The following ANO3 variants were observed in gnomAD, a reference collection of about 807,000 sequenced individuals.
The protein encoded by ANO3 is anoctamin 3.
In ANO3, 99 loss-of-function variants were observed where a neutral mutation model predicts 144.8. The ratio of observed to expected loss-of-function variants is 0.68; its 90% CI spans 0.58 to 0.81. ANO3 has a LOEUF of 0.81. Ranked by LOEUF, ANO3 falls within the 30% of genes least tolerant of loss-of-function variation. The pLI, the probability that ANO3 is intolerant of heterozygous loss-of-function variation, is 0.00. For synonymous variants in ANO3, 414 were observed against 392.6 expected, an observed-to-expected ratio of 1.05 and a Z score of -0.64; for missense variants, 905 against 1,202.2, an observed-to-expected ratio of 0.75 and a Z score of 3.66.
intron 1 of ANO3, among the ~76,000 whole-genome samples, chr11:26,334,124 G>C (rs1175724186): frequency 6.6e-6 from 1 of 152,176 alleles, no homozygotes. Context: ...TTGTGCAATT[G>C]CTGGCATTTC....
chr11:26,412,148 T>C (rs1463260230), intron 1 of ANO3, among the ~76,000 whole-genome samples: 1 of 152,080 alleles, frequency 6.6e-6, no homozygotes, highest in Non-Finnish European at 1.5e-5. Context: ...CCATAGGATT[T>C]GGAGAAATAC....
At chr11:26,267,483 T>A (rs919856616) in intron 1 of ANO3, among the ~76,000 whole-genome samples, 2 of 152,232 alleles carry the variant, frequency 1.3e-5, no homozygotes, top group East Asian at 3.8e-4. Flanking sequence ...TAAAATATTA[T>A]CTGCTGCATC....
intron 18 of ANO3, among the ~76,000 whole-genome samples, chr11:26,624,869 C>A (rs1362377783): frequency 6.6e-6 from 1 of 151,878 alleles, no homozygotes; most frequent in Non-Finnish European, 1.5e-5. Context: ...AAAACCAGTA[C>A]TTTACCACAT....
intron 14 of ANO3, among the ~76,000 whole-genome samples, chr11:26,583,172 A>G (rs1424019622): frequency 6.6e-6 from 1 of 152,200 alleles, no homozygotes; most frequent in Non-Finnish European, 1.5e-5. Context: ...TCTGGTCAAG[A>G]TTGAGTGAGA....
intron 1 of ANO3, among the ~76,000 whole-genome samples, chr11:26,300,142 T>C (rs1053572415): frequency 2.6e-5 from 4 of 152,078 alleles, no homozygotes; most frequent in Non-Finnish European, 4.4e-5. Context: ...TTTTCCTTCA[T>C]TTATGGTTTA....
chr11:26,598,513 C>T, intron 15 of ANO3, 66 bp downstream of exon 15: 2 of 1,127,490 alleles, frequency 1.8e-6, no homozygotes, highest in Non-Finnish European at 1.3e-6. Flanking sequence ...AATTACTGCC[C>T]TAGCATTCCG....
intron 1 of ANO3, chr11:26,287,508 C>G (rs1265423378): frequency 6.6e-6 from 1 of 152,174 alleles, no homozygotes; most frequent in African/African-American, 2.4e-5. Flanking sequence ...GACATTAAAT[C>G]CAGGCACTCT....
chr11:26,264,094 G>A (rs1160636541), intron 1 of ANO3, among the ~76,000 whole-genome samples: 1 of 152,202 alleles, frequency 6.6e-6, no homozygotes, highest in Non-Finnish European at 1.5e-5. Flanking sequence ...TCAACCCAAG[G>A]AGGGGTAGGG....
At chr11:26,525,826 C>A in intron 7 of ANO3, 147 bp downstream of exon 7, 1 of 592,422 alleles carries the variant, frequency 1.7e-6, no homozygotes. Context: ...ATAACTTATG[C>A]CAAATCGAAT....
chr11:26,572,312 C>A, intron 14 of ANO3: 3 of 888,008 alleles, frequency 3.4e-6, no homozygotes, highest in Non-Finnish European at 4.0e-6. Context: ...AAAGCCCAAC[C>A]CTCCAGTTTT....
intron 1 of ANO3, among the ~76,000 whole-genome samples, chr11:26,282,413 A>T (rs542268512): frequency 2.1e-4 from 32 of 152,230 alleles, no homozygotes; most frequent in African/African-American, 6.7e-4. Flanking sequence ...CTTCTAATAA[A>T]ATTAGATGAA....
intron 4 of ANO3, among the ~76,000 whole-genome samples, chr11:26,470,286 C>A (rs141728577): frequency 6.6e-6 from 1 of 151,652 alleles, no homozygotes; most frequent in Non-Finnish European, 1.5e-5. Context: ...GTGGCACATA[C>A]CTGTAGTCCC....
At position 26,366,007 on chromosome 11, in the gene ANO3, A is replaced by T. The variant is rs1164254666; in HGVS notation, c.46+33686A>T. On this transcript the variant is annotated intron_variant, in intron 1 of 26. Transcript: ENST00000256737. ...ATATATATATATATATATATATTTTAATTATACTTTAAGTTCTAGGGTACA... is the reference window on the plus strand; with the variant it reads ...ATATATATATATATATATATATTTTTATTATACTTTAAGTTCTAGGGTACA... Among the ~76,000 whole-genome samples, 63 of 86,096 alleles carry T rather than the reference A, an allele frequency of 7.3e-4. 1 individual carries two copies. Among genetic ancestry groups the T allele is most frequent in the African/African-American group, 2.8e-3 (57 of 20,276 alleles). 56.5% of individuals were successfully genotyped at this position (86,096 alleles called of 152,430 possible).
chr11:26,405,981 C>T (rs547863322), intron 1 of ANO3, among the ~76,000 whole-genome samples: 1 of 151,878 alleles, frequency 6.6e-6, no homozygotes, highest in South Asian at 2.1e-4. Context: ...ACATTTTAAG[C>T]CCTAATGGCA....
At chr11:26,508,063 T>C (rs1459434908) in intron 4 of ANO3, 41 bp from the exon 5 acceptor site, 26 of 1,541,822 alleles carry the variant, frequency 1.7e-5, no homozygotes, top group Non-Finnish European at 2.1e-5. Context: ...CATACATGCT[T>C]GTCTAACCCA....
At chr11:26,438,644 G>T (rs1405171835) in intron 1 of ANO3, among the ~76,000 whole-genome samples, 4 of 150,696 alleles carry the variant, frequency 2.7e-5, no homozygotes, top group East Asian at 1.9e-4. Context: ...CAGGCATGGT[G>T]GCGGGCACCT....
intron 1 of ANO3, among the ~76,000 whole-genome samples, chr11:26,338,126 A>C (rs950642155): frequency 2.0e-5 from 3 of 152,000 alleles, no homozygotes; most frequent in East Asian, 1.9e-4. Context: ...AAAAAAAAAA[A>C]AAACAGCAAA....
intron 1 of ANO3, among the ~76,000 whole-genome samples, chr11:26,357,536 T>A (rs974739943): frequency 1.7e-4 from 26 of 152,040 alleles, no homozygotes; most frequent in South Asian, 4.1e-4. Flanking sequence ...GTTTTTTTTT[T>A]AAATCAGGTC....
intron 10 of ANO3, 32 bp downstream of exon 10, chr11:26,537,493 A>G (rs1849541651): frequency 6.3e-7 from 1 of 1,575,972 alleles, no homozygotes; most frequent in Non-Finnish European, 8.7e-7. Flanking sequence ...CGCTTTATAA[A>G]CAAGGTTTTC....
Sources: gnomAD v4.1 joint callset for allele counts (sites outside exome capture counted in the v4.1 genomes callset) on GRCh38, gnomAD v4.1.1 for gene constraint, MANE v1.5 for transcripts, NCBI Gene and HGNC (gene_info 2026-07-23, HGNC 2026-07-21) for gene names.